The following STX17 variants were observed in gnomAD, a reference collection of about 807,000 sequenced individuals.
The protein encoded by STX17 is syntaxin 17.
STX17 carries 29 observed loss-of-function variants against 35.9 expected under a neutral mutation model. That is an observed-to-expected ratio of 0.81 (90% CI 0.60 to 1.10). STX17 has a LOEUF of 1.10. Among genes scored for constraint, STX17 ranks in the 50% least tolerant of loss-of-function variants. The probability of loss-of-function intolerance (pLI) is 0.00; values close to 1 mark genes in which losing one functional copy is unlikely to be tolerated. For missense variants in STX17, 312 were observed against 352.3 expected (o/e 0.89, Z 0.92); for synonymous variants, 92 against 118.3 (o/e 0.78, Z 1.44).
At chr9:99,954,280 T>C (rs1225874049) in intron 4 of STX17, among the ~76,000 whole-genome samples, 10 of 151,988 alleles carry the variant, frequency 6.6e-5, no homozygotes, top group Non-Finnish European at 1.5e-4. Flanking sequence ...CCTAAAATAG[T>C]GTATAGAATT....
intron 1 of STX17, chr9:99,914,062 C>T (rs1325953612): frequency 1.3e-5 from 2 of 150,822 alleles, no homozygotes; most frequent in Admixed American, 6.6e-5. Flanking sequence ...GCCTTGGCCT[C>T]CCAAAGTGCT....
At chr9:99,914,455 A>C (rs1435319376) in intron 1 of STX17, among the ~76,000 whole-genome samples, 1 of 152,194 alleles carries the variant, frequency 6.6e-6, no homozygotes, top group Non-Finnish European at 1.5e-5. Flanking sequence ...CCCCAAATGC[A>C]TACCCTTGGA....
At chr9:99,948,114 G>A (rs10217337) in intron 3 of STX17, among the ~76,000 whole-genome samples, 104,650 of 151,822 alleles carry the variant, frequency 0.69, 36,342 homozygotes, top group African/African-American at 0.72. Flanking sequence ...TGTTCCCTCT[G>A]TTTGATTTTA....
In STX17 at chr9:99,973,454, C is replaced by T. The variant is rs1830051877; in HGVS notation, c.*4781C>T. On this transcript the variant is annotated 3_prime_UTR_variant, in exon 8 of 8. Transcript: ENST00000259400. ...ATAATTGGACGGGGAATCCTGAGAT[C>T]AGAGTCCTAGTTTGGCTTTGTCTCT... Among the ~76,000 whole-genome samples, 2 of 152,158 alleles carry T rather than the reference C, an allele frequency of 1.3e-5. No homozygotes were observed. Among genetic ancestry groups the T allele is most frequent in the Non-Finnish European group, 2.9e-5 (2 of 68,034 alleles).
intron 6 of STX17, among the ~76,000 whole-genome samples, chr9:99,964,986 G>T (rs1829887622): frequency 6.6e-6 from 1 of 152,154 alleles, no homozygotes; most frequent in Admixed American, 6.5e-5. Flanking sequence ...CAATCGAGGG[G>T]TGATTATTGA....
chr9:99,910,586 CAT>C (rs1408070464), intron 1 of STX17, among the ~76,000 whole-genome samples: 1 of 151,930 alleles, frequency 6.6e-6, no homozygotes, highest in Non-Finnish European at 1.5e-5. Flanking sequence ...TTATAGGATA[CAT>C]GTGATGTTTT....
chr9:99,920,223 C>A (rs576976804), intron 2 of STX17, among the ~76,000 whole-genome samples: 1 of 152,256 alleles, frequency 6.6e-6, no homozygotes, highest in South Asian at 2.1e-4. Flanking sequence ...GCCAGTTATA[C>A]CTGAGGGAAA....
chr9:99,953,690 C>T (rs1273289755), intron 4 of STX17, among the ~76,000 whole-genome samples: 1 of 151,890 alleles, frequency 6.6e-6, no homozygotes, highest in Non-Finnish European at 1.5e-5. Context: ...GTGAAGATAA[C>T]CTGGATTTTC....
At chr9:99,927,476 T>C (rs1380274038) in intron 2 of STX17, among the ~76,000 whole-genome samples, 6 of 152,086 alleles carry the variant, frequency 3.9e-5, no homozygotes, top group African/African-American at 1.2e-4. Context: ...TATTTTTATT[T>C]ATTTATTTAT....
intron 3 of STX17, among the ~76,000 whole-genome samples, chr9:99,950,812 T>C (rs1276919861): frequency 6.6e-6 from 1 of 151,986 alleles, no homozygotes; most frequent in Non-Finnish European, 1.5e-5. Flanking sequence ...GTGAAGAGCA[T>C]TTATTTTTGT....
chr9:99,929,565 A>C (rs1211927047), intron 3 of STX17, among the ~76,000 whole-genome samples: 1 of 151,870 alleles, frequency 6.6e-6, no homozygotes, highest in Admixed American at 6.6e-5. Flanking sequence ...TTACTAAATA[A>C]TGTGTAGACT....
At chr9:99,954,676 G>A (rs1011123438) in intron 4 of STX17, among the ~76,000 whole-genome samples, 8 of 151,922 alleles carry the variant, frequency 5.3e-5, no homozygotes, top group African/African-American at 1.9e-4. Context: ...CTGTTTTATT[G>A]CATAGAAGTT....
rs191806520 is a variant in STX17, at chr9:99,916,115, C to T, written c.123+753C>T. ...GGAATTTCCTTACTTCACAGCTTCC[C>T]TTTGAGGAAAGCTCACAATTGAGAA... is the stretch of plus-strand genomic sequence containing the variant. On this transcript the variant is annotated intron_variant, in intron 2 of 7. Transcript: ENST00000259400. The T allele has an allele frequency of 6.3e-4, 288 of 454,232 alleles. 1 individual carries two copies. Among genetic ancestry groups the T allele is most frequent in the African/African-American group, 5.4e-3 (268 of 50,078 alleles). 28.1% of individuals were successfully genotyped at this position (454,232 alleles called of 1,614,324 possible).
In STX17 at chr9:99,974,437, C is replaced by G. The variant is rs971772176; in HGVS notation, c.*5764C>G. On this transcript the variant is annotated 3_prime_UTR_variant, in exon 8 of 8. Coordinates refer to ENST00000259400, the MANE Select transcript of STX17 (RefSeq NM_017919.3). ...AAAGGCCCAATGGCAAGAATTTCTG[C>G]AAACTCTGTAAAGCTTACTGAATTC... Among the ~76,000 whole-genome samples the G allele has an allele frequency of 3.3e-5, 5 of 152,218 alleles. No individual in the cohort carries two copies. Among genetic ancestry groups the G allele is most frequent in the African/African-American group, 1.2e-4 (5 of 41,448 alleles).
chr9:99,950,821 G>A (rs113738629), intron 3 of STX17, among the ~76,000 whole-genome samples: 60 of 151,956 alleles, frequency 3.9e-4, no homozygotes, highest in African/African-American at 1.3e-3. Context: ...ATTTATTTTT[G>A]TATAACCACA....
At chr9:99,925,257 C>T (rs1329712649) in intron 2 of STX17, among the ~76,000 whole-genome samples, 1 of 152,068 alleles carries the variant, frequency 6.6e-6, no homozygotes, top group Non-Finnish European at 1.5e-5. Context: ...AACCTTCTAA[C>T]AGTATACTTC....
At chr9:99,938,547 G>T (rs1266949830) in intron 3 of STX17, among the ~76,000 whole-genome samples, 1 of 152,186 alleles carries the variant, frequency 6.6e-6, no homozygotes, top group Non-Finnish European at 1.5e-5. Context: ...CATTTTGGGA[G>T]GCCGAGGTGG....
At chr9:99,964,671 A>C (rs1340015217) in intron 6 of STX17, among the ~76,000 whole-genome samples, 1 of 152,132 alleles carries the variant, frequency 6.6e-6, no homozygotes, top group Non-Finnish European at 1.5e-5. Context: ...AGGCTCCTGC[A>C]CCACCATTAA....
intron 1 of STX17, chr9:99,907,273 ACTTTGACTTTT>A (rs1223659094): frequency 6.6e-6 from 1 of 152,198 alleles, no homozygotes; most frequent in Non-Finnish European, 1.5e-5. Flanking sequence ...AGGAGACTTT[ACTTTGACTTTT>A]CTCTCCAAAT....
Sources: gnomAD v4.1 joint callset for allele counts (sites outside exome capture counted in the v4.1 genomes callset) on GRCh38, gnomAD v4.1.1 for gene constraint, MANE v1.5 for transcripts, NCBI Gene and HGNC (gene_info 2026-07-23, HGNC 2026-07-21) for gene names.